Variants in LRRC72 observed in about 807,000 individuals in gnomAD.
The protein encoded by LRRC72 is leucine-rich repeat-containing protein 72.
LRRC72 carries 41 observed loss-of-function variants against 35.8 expected under a neutral mutation model. The observed-to-expected ratio is 1.15, with a 90% confidence interval of 0.89 to 1.49. The LOEUF (loss-of-function observed/expected upper bound fraction) is 1.49, where lower values mean the gene tolerates loss of function less well. LRRC72 is among the 40% of genes most tolerant of loss of function. The pLI, the probability that LRRC72 is intolerant of heterozygous loss-of-function variation, is 0.00. For synonymous variants in LRRC72, 118 were observed against 119.2 expected, an observed-to-expected ratio of 0.99 and a Z score of 0.07; for missense variants, 389 against 330.7, an observed-to-expected ratio of 1.18 and a Z score of -1.37.
chr7:16,556,075 A>AG (rs1474868464), intron 3 of LRRC72, among the ~76,000 whole-genome samples: 2 of 151,966 alleles, frequency 1.3e-5, no homozygotes, highest in African/African-American at 4.8e-5. Context: ...AATACTAAAA[A>AG]AAAAAAATAG....
At chr7:16,553,636 G>A (rs543724206) in intron 3 of LRRC72, among the ~76,000 whole-genome samples, 1 of 152,282 alleles carries the variant, frequency 6.6e-6, no homozygotes, top group Admixed American at 6.5e-5. Context: ...GGACGTGTAT[G>A]CTACTAGCAT....
intron 2 of LRRC72, among the ~76,000 whole-genome samples, chr7:16,535,001 C>T (rs868419614): frequency 6.6e-5 from 10 of 152,118 alleles, no homozygotes; most frequent in African/African-American, 2.4e-4. Flanking sequence ...AGTTTGAGAC[C>T]AGCCTGGGCA....
chr7:16,573,598 C>T (rs1003253713), intron 7 of LRRC72, among the ~76,000 whole-genome samples: 1 of 152,144 alleles, frequency 6.6e-6, no homozygotes, highest in Non-Finnish European at 1.5e-5. Flanking sequence ...ACTGGCTAGC[C>T]ATATGCAGAA....
intron 7 of LRRC72, 96 bp downstream of exon 7, chr7:16,567,639 A>G: frequency 9.9e-7 from 1 of 1,011,770 alleles, no homozygotes; most frequent in Non-Finnish European, 1.3e-6. Context: ...ACTACAATTT[A>G]CAATAAACTT....
At chr7:16,561,243 T>TA (rs1562748663) in intron 5 of LRRC72, among the ~76,000 whole-genome samples, 1 of 152,224 alleles carries the variant, frequency 6.6e-6, no homozygotes, top group Admixed American at 6.5e-5. Flanking sequence ...AAATATTTCT[T>TA]AGAGTCGAAG....
intron 8 of LRRC72, among the ~76,000 whole-genome samples, 156 bp downstream of exon 8, chr7:16,580,257 G>A (rs759421621): frequency 6.6e-6 from 1 of 152,156 alleles, no homozygotes; most frequent in Non-Finnish European, 1.5e-5. Context: ...TGTGATAAAT[G>A]AGTTCAAGCT....
intron 2 of LRRC72, among the ~76,000 whole-genome samples, chr7:16,536,501 G>A (rs145201343): frequency 4.0e-5 from 6 of 151,864 alleles, no homozygotes; most frequent in Admixed American, 2.0e-4. Context: ...ATGATTCACC[G>A]AGAAAATTAT....
In LRRC72 at chr7:16,549,393, A is replaced by G. The variant is rs374940525; in HGVS notation, c.235-7967A>G. 2.6e-5 allele frequency among the ~76,000 whole-genome samples: 4 copies of G among 152,176 alleles called. No individual in the cohort carries two copies. The South Asian group carries it at 8.3e-4, about 32-fold the overall frequency. The stretch of plus-strand genomic sequence containing the variant: ...GAATCAAGTTCAGAAAGTTCTCAAA[A>G]TCAAAGGGAGCCATGGTCAAAACCA... On this transcript the variant is annotated intron_variant, in intron 3 of 8. Transcript: ENST00000401542.
At chr7:16,572,250 C>T (rs897365071) in intron 7 of LRRC72, among the ~76,000 whole-genome samples, 2 of 152,200 alleles carry the variant, frequency 1.3e-5, no homozygotes, top group African/African-American at 2.4e-5. Context: ...AGTACCATTC[C>T]TTCTGGAACT....
intron 3 of LRRC72, among the ~76,000 whole-genome samples, chr7:16,546,018 G>T (rs1782437917): frequency 6.6e-6 from 1 of 151,800 alleles, no homozygotes; most frequent in South Asian, 2.1e-4. Context: ...AACTAAGATA[G>T]AAATGAATGC....
intron 5 of LRRC72, among the ~76,000 whole-genome samples, chr7:16,564,925 A>G (rs1416215707): frequency 6.6e-6 from 1 of 152,068 alleles, no homozygotes. Context: ...CGAGTTTCTA[A>G]TGCTTACTAT....
At chr7:16,547,036 G>T (rs979144856) in intron 3 of LRRC72, among the ~76,000 whole-genome samples, 106 of 152,128 alleles carry the variant, frequency 7.0e-4, no homozygotes, top group African/African-American at 2.5e-3. Context: ...CATCCCCAAG[G>T]CAGCCAACTG....
intron 2 of LRRC72, among the ~76,000 whole-genome samples, chr7:16,534,680 C>T (rs982126232): frequency 9.2e-5 from 14 of 151,728 alleles, no homozygotes; most frequent in Admixed American, 2.6e-4. Flanking sequence ...AATGAAATAA[C>T]TTTTATGGGA....
chr7:16,548,616 T>C (rs763886837), intron 3 of LRRC72, among the ~76,000 whole-genome samples: 5 of 152,244 alleles, frequency 3.3e-5, no homozygotes, highest in Admixed American at 6.5e-5. Flanking sequence ...TGGAACTGCC[T>C]GTCCTGCCAC....
At chr7:16,538,319 C>G (rs1562738451) in intron 3 of LRRC72, among the ~76,000 whole-genome samples, 1 of 152,028 alleles carries the variant, frequency 6.6e-6, no homozygotes, top group Non-Finnish European at 1.5e-5. Context: ...AAGCAAAGTT[C>G]TTTGCTTTGT....
intron 7 of LRRC72, among the ~76,000 whole-genome samples, chr7:16,578,568 G>C (rs1246109023): frequency 6.6e-6 from 1 of 152,114 alleles, no homozygotes; most frequent in East Asian, 1.9e-4. Flanking sequence ...AACAAAATTA[G>C]AATTTTGTCA....
At chr7:16,556,471 A>C (rs1021379792) in intron 3 of LRRC72, among the ~76,000 whole-genome samples, 1 of 152,216 alleles carries the variant, frequency 6.6e-6, no homozygotes, top group Non-Finnish European at 1.5e-5. Flanking sequence ...CTGAATGATG[A>C]ACAGGATTAT....
intron 5 of LRRC72, among the ~76,000 whole-genome samples, chr7:16,563,575 T>G (rs1367940546): frequency 6.6e-6 from 1 of 152,204 alleles, no homozygotes; most frequent in Non-Finnish European, 1.5e-5. Context: ...ATAGAAGGCT[T>G]TCAGAACATT....
intron 3 of LRRC72, among the ~76,000 whole-genome samples, chr7:16,553,816 T>C (rs1445605190): frequency 6.6e-6 from 1 of 152,224 alleles, no homozygotes; most frequent in African/African-American, 2.4e-5. Context: ...TTGTACCTAG[T>C]AGTACCCTAG....
Sources: allele counts gnomAD v4.1 joint callset (sites outside exome capture counted in the v4.1 genomes callset), GRCh38; gene constraint gnomAD v4.1.1; transcripts MANE v1.5; gene names NCBI Gene and HGNC (gene_info 2026-07-23, HGNC 2026-07-21).